The following CCDC178 variants were observed in gnomAD, a reference collection of about 807,000 sequenced individuals.
CCDC178 encodes coiled-coil domain-containing protein 178.
A neutral mutation model predicts 117.4 loss-of-function variants in CCDC178; 126 were observed. The ratio of observed to expected loss-of-function variants is 1.07; its 90% CI spans 0.93 to 1.24. CCDC178 has a LOEUF of 1.24. Ranked by LOEUF, CCDC178 falls within the 50% of genes most tolerant of loss-of-function variation. CCDC178 has a pLI of 0.00. For missense variants in CCDC178, 1,030 were observed against 986.9 expected (o/e 1.04, Z -0.59); for synonymous variants, 283 against 313.4 (o/e 0.90, Z 1.02).
intron 20 of CCDC178, among the ~76,000 whole-genome samples, chr18:33,177,799 T>G (rs1187199532): frequency 1.3e-5 from 2 of 152,186 alleles, no homozygotes; most frequent in African/African-American, 4.8e-5. Flanking sequence ...TAGTATCTTT[T>G]ACTTTTCTGC....
chr18:33,095,890 AACAAGAATTCT>A, intron 20 of CCDC178, among the ~76,000 whole-genome samples: 2 of 152,092 alleles, frequency 1.3e-5, no homozygotes, highest in Middle Eastern at 6.8e-3. Context: ...GTCCAGGTTT[AACAAGAATTCT>A]TTATTTTGGG....
chr18:33,177,032 T>A (rs2144454568), intron 20 of CCDC178, among the ~76,000 whole-genome samples: 1 of 152,298 alleles, frequency 6.6e-6, no homozygotes, highest in East Asian at 1.9e-4. Context: ...ACCATCTTAT[T>A]GAATGAACTC....
chr18:33,074,103 A>G (rs544794254), intron 21 of CCDC178, among the ~76,000 whole-genome samples: 19 of 152,244 alleles, frequency 1.2e-4, no homozygotes, highest in South Asian at 4.2e-4. Flanking sequence ...GCAGTCGGGG[A>G]GGCCAGGGCA....
chr18:33,356,689 T>C (rs890917779), intron 6 of CCDC178, among the ~76,000 whole-genome samples: 2 of 152,052 alleles, frequency 1.3e-5, no homozygotes, highest in African/African-American at 4.8e-5. Context: ...AATCTTAAGA[T>C]AAACAAAAAA....
chr18:33,419,515 A>C (rs1036295006), intron 2 of CCDC178, among the ~76,000 whole-genome samples: 1 of 152,216 alleles, frequency 6.6e-6, no homozygotes, highest in Non-Finnish European at 1.5e-5. Context: ...AATGGGAGAA[A>C]ATATTTTCTA....
intron 5 of CCDC178, among the ~76,000 whole-genome samples, chr18:33,371,621 G>T (rs961705642): frequency 4.6e-5 from 7 of 151,894 alleles, no homozygotes; most frequent in Non-Finnish European, 1.0e-4. Context: ...AGGGCATCCT[G>T]AATGTTTTGC....
At chr18:32,982,585 T>G (rs1011192737) in intron 21 of CCDC178, among the ~76,000 whole-genome samples, 2 of 152,122 alleles carry the variant, frequency 1.3e-5, no homozygotes, top group African/African-American at 4.8e-5. Flanking sequence ...TTTATACTTT[T>G]TTGGATGAAA....
chr18:33,111,070 G>T (rs2057774590), intron 20 of CCDC178, among the ~76,000 whole-genome samples: 1 of 151,388 alleles, frequency 6.6e-6, no homozygotes. Flanking sequence ...TCTCAGAAAG[G>T]TTTGTAGTTT....
chr18:33,074,389 T>C (rs892925776), intron 21 of CCDC178, among the ~76,000 whole-genome samples: 7 of 152,144 alleles, frequency 4.6e-5, no homozygotes, highest in Non-Finnish European at 1.0e-4. Flanking sequence ...TCCAACATCA[T>C]AGATTAATTG....
At chr18:33,260,146 A>G (rs9962058) in intron 14 of CCDC178, among the ~76,000 whole-genome samples, 10,234 of 152,044 alleles carry the variant, frequency 0.067, 514 homozygotes, top group African/African-American at 0.14. Flanking sequence ...CCTGACTCCT[A>G]TGACCATTTT....
chr18:33,177,681 G>A (rs1224470840), intron 20 of CCDC178, among the ~76,000 whole-genome samples: 1 of 152,142 alleles, frequency 6.6e-6, no homozygotes, highest in Non-Finnish European at 1.5e-5. Context: ...GAAAGAATAA[G>A]CTATAATGAA....
chr18:32,995,905 TTATCTA>T (rs139781630), intron 21 of CCDC178, among the ~76,000 whole-genome samples: 3,026 of 145,714 alleles, frequency 0.021, 49 homozygotes, highest in African/African-American at 0.04. Context: ...TCCTACAATT[TTATCTA>T]TATCTATATC....
At chr18:32,973,676 T>C (rs925507176) in intron 22 of CCDC178, among the ~76,000 whole-genome samples, 2 of 152,104 alleles carry the variant, frequency 1.3e-5, no homozygotes, top group Non-Finnish European at 2.9e-5. Context: ...AAAATCTTCC[T>C]TTACTTGAAT....
intron 11 of CCDC178, among the ~76,000 whole-genome samples, chr18:33,302,980 T>C (rs908104516): frequency 2.0e-5 from 3 of 152,148 alleles, no homozygotes; most frequent in South Asian, 2.1e-4. Flanking sequence ...AACAATAATA[T>C]ATAGCTTCAA....
At chr18:33,085,983 G>A (rs1297635876) in intron 21 of CCDC178, among the ~76,000 whole-genome samples, 1 of 151,980 alleles carries the variant, frequency 6.6e-6, no homozygotes, top group Non-Finnish European at 1.5e-5. Flanking sequence ...CATATGCACA[G>A]CTCAAAATGA....
intron 21 of CCDC178, among the ~76,000 whole-genome samples, chr18:33,048,879 T>G (rs1287840201): frequency 6.6e-6 from 1 of 152,150 alleles, no homozygotes; most frequent in African/African-American, 2.4e-5. Flanking sequence ...ATAGGCATTT[T>G]CAAAAATACT....
intron 21 of CCDC178, among the ~76,000 whole-genome samples, chr18:32,975,521 A>C (rs1447314593): frequency 6.6e-6 from 1 of 152,180 alleles, no homozygotes; most frequent in Non-Finnish European, 1.5e-5. Flanking sequence ...TATTATAATA[A>C]GGCATTTTCA....
chr18:33,373,355 A>G (rs2063325168), intron 5 of CCDC178, among the ~76,000 whole-genome samples: 1 of 151,952 alleles, frequency 6.6e-6, no homozygotes, highest in South Asian at 2.1e-4. Context: ...TTCAAAATCT[A>G]CAACTTCAAT....
intron 22 of CCDC178, among the ~76,000 whole-genome samples, chr18:32,953,203 G>A (rs1206392695): frequency 6.6e-6 from 1 of 152,192 alleles, no homozygotes; most frequent in African/African-American, 2.4e-5. Context: ...GCAAAATGCT[G>A]CCAGTCTCTT....
Sources: gnomAD v4.1 joint callset for allele counts (sites outside exome capture counted in the v4.1 genomes callset) on GRCh38, gnomAD v4.1.1 for gene constraint, MANE v1.5 for transcripts, NCBI Gene and HGNC (gene_info 2026-07-23, HGNC 2026-07-21) for gene names.